Variants in ANXA4 observed in about 807,000 individuals in gnomAD.
ANXA4 encodes the protein annexin A4, also known as 35-beta calcimedin.
ANXA4 carries 39 observed loss-of-function variants against 49.8 expected under a neutral mutation model. The observed-to-expected ratio is 0.78, with a 90% CI of 0.61 to 1.02. The LOEUF (loss-of-function observed/expected upper bound fraction) is 1.02, where lower values mean the gene tolerates loss of function less well. Among genes scored for constraint, ANXA4 ranks in the 50% least tolerant of loss-of-function variants. The pLI is 0.00. For synonymous variants in ANXA4, 134 were observed against 152.5 expected, an observed-to-expected ratio of 0.88 and a Z score of 0.89; for missense variants, 360 against 410.1, an observed-to-expected ratio of 0.88 and a Z score of 1.05.
At chr2:69,815,905 G>T (rs949070272) in intron 8 of ANXA4, 196 bp from the exon 9 acceptor site, 2 of 560,366 alleles carry the variant, frequency 3.6e-6, no homozygotes, top group Non-Finnish European at 6.5e-6. Flanking sequence ...GACTCCCAGG[G>T]GGGTATGACA....
chr2:69,820,788 A>G lies in ANXA4; in HGVS notation c.873A>G (p.Arg291=), dbSNP rs1674214632. 1.2e-6 allele frequency: 2 copies of G among 1,613,812 alleles called. No individual in the cohort carries two copies. Among genetic ancestry groups the G allele is most frequent in the East Asian group, 4.5e-5 (2 of 44,850 alleles). The part of the protein sequence containing the change: ...DMLDIRAHFK[R]LYGKSLYSFI... ...TGGATATCCGGGCACACTTCAAGAG[A>G]CTCTATGGAAAGTCTCTGTACTCGT... The change falls in exon 12 of 13, where the codon AGA becomes AGG. Residue 291 remains arginine, a synonymous_variant. Transcript: ENST00000394295.
At chr2:69,817,657 G>A (rs1674059242) in intron 9 of ANXA4, 1 of 152,146 alleles carries the variant, frequency 6.6e-6, no homozygotes. Context: ...CAGTTCTGGG[G>A]GTCTCAGTAG....
intron 2 of ANXA4, among the ~76,000 whole-genome samples, chr2:69,655,397 CATTT>C (rs1368271526): frequency 1.3e-5 from 2 of 152,138 alleles, no homozygotes; most frequent in Non-Finnish European, 2.9e-5. Flanking sequence ...CAAAAGAAGA[CATTT>C]ATGTAGCCAA....
intron 1 of ANXA4, among the ~76,000 whole-genome samples, chr2:69,775,006 ACACTGT>A (rs1164103598): frequency 6.6e-6 from 1 of 152,208 alleles, no homozygotes; most frequent in Non-Finnish European, 1.5e-5. Flanking sequence ...GAAACCTAAG[ACACTGT>A]CACTCACTTA....
intron 1 of ANXA4, among the ~76,000 whole-genome samples, chr2:69,770,939 A>G (rs1033037056): frequency 6.6e-6 from 1 of 151,076 alleles, no homozygotes; most frequent in Non-Finnish European, 1.5e-5. Context: ...TTAAAAAAAA[A>G]AAAAATTAGC....
intron 3 of ANXA4, among the ~76,000 whole-genome samples, chr2:69,726,117 G>C (rs1029908829): frequency 6.6e-6 from 1 of 152,182 alleles, no homozygotes; most frequent in South Asian, 2.1e-4. Flanking sequence ...GGTGTCGAGG[G>C]AGGGACCTCG....
chr2:69,719,316 G>C (rs1669755450), intron 2 of ANXA4, among the ~76,000 whole-genome samples: 1 of 141,500 alleles, frequency 7.1e-6, no homozygotes, highest in Non-Finnish European at 1.5e-5. Flanking sequence ...CACCCAGGCT[G>C]GAGTATGATA....
chr2:69,766,772 CAT>C (rs1345175975), intron 1 of ANXA4, among the ~76,000 whole-genome samples: 2 of 152,158 alleles, frequency 1.3e-5, no homozygotes, highest in African/African-American at 4.8e-5. Context: ...CAGAACCTAA[CAT>C]GTTATTACCA....
chr2:69,662,022 AAC>A (rs1483454035), intron 2 of ANXA4, among the ~76,000 whole-genome samples: 1 of 152,202 alleles, frequency 6.6e-6, no homozygotes, highest in Non-Finnish European at 1.5e-5. Flanking sequence ...GGTTACATAA[AAC>A]AGTGACCATT....
At position 69,818,584 on chromosome 2, in the gene ANXA4, T is replaced by G. The variant is rs754060345; in HGVS notation, c.629-15T>G. On this transcript the variant is annotated splice_polypyrimidine_tract_variant and intron_variant, in intron 9 of 12. Coordinates refer to ENST00000394295, the MANE Select transcript of ANXA4 (RefSeq NM_001153.5). Reference sequence around the variant, plus strand: ...TTTTTTCTTCCCAATAATACTATTTTGTTATTGTCTGCAGTGTTTGATGAA... The same window carrying G: ...TTTTTTCTTCCCAATAATACTATTTGGTTATTGTCTGCAGTGTTTGATGAA... The G allele has an allele frequency of 6.5e-7, 1 of 1,533,850 alleles. No individual in the cohort carries two copies. Among genetic ancestry groups the G allele is most frequent in the Non-Finnish European group, 8.9e-7 (1 of 1,129,356 alleles).
intron 2 of ANXA4, among the ~76,000 whole-genome samples, chr2:69,666,909 G>T (rs910806880): frequency 6.6e-6 from 1 of 152,144 alleles, no homozygotes; most frequent in South Asian, 2.1e-4. Context: ...AGCTAAGCGT[G>T]TTGGTGCACA....
chr2:69,728,464 G>A (rs893690726), intron 3 of ANXA4, among the ~76,000 whole-genome samples: 3 of 152,078 alleles, frequency 2.0e-5, no homozygotes, highest in Non-Finnish European at 4.4e-5. Context: ...CCTACCACAA[G>A]GTCATGAAGA....
intron 2 of ANXA4, among the ~76,000 whole-genome samples, chr2:69,663,678 G>T (rs1326492059): frequency 6.6e-6 from 1 of 151,896 alleles, no homozygotes; most frequent in Non-Finnish European, 1.5e-5. Context: ...AATAAAAAAA[G>T]AATACTCTAA....
Position 69,702,041 on chromosome 2 carries a change from T to A in ANXA4, n.767-18733T>A, listed in dbSNP as rs960681065. On this transcript the variant is annotated intron_variant and non_coding_transcript_variant, in intron 2 of 3. Coordinates refer to the ANXA4 transcript ENST00000418066. Reference sequence around the variant, plus strand: ...TTATATATATTTTTGAGACAGGGTATCACTCTGTCACCCAGGCTGGAATGC... The same window carrying A: ...TTATATATATTTTTGAGACAGGGTAACACTCTGTCACCCAGGCTGGAATGC... Among the ~76,000 whole-genome samples, 5 of 152,250 alleles carry A rather than the reference T, an allele frequency of 3.3e-5. 1 individual carries two copies.
intron 2 of ANXA4, among the ~76,000 whole-genome samples, chr2:69,713,392 A>C (rs1277933975): frequency 6.6e-6 from 1 of 152,106 alleles, no homozygotes; most frequent in Non-Finnish European, 1.5e-5. Context: ...AGCCACTCTT[A>C]TGTTCGGTGG....
intron 1 of ANXA4, among the ~76,000 whole-genome samples, chr2:69,763,703 C>T (rs1462424363): frequency 2.0e-5 from 3 of 148,158 alleles, no homozygotes; most frequent in African/African-American, 7.5e-5. Flanking sequence ...CGCTCTGTTG[C>T]CCAGGCTGGA....
intron 2 of ANXA4, among the ~76,000 whole-genome samples, chr2:69,782,318 G>T (rs1672231907): frequency 1.3e-5 from 2 of 152,148 alleles, no homozygotes; most frequent in South Asian, 4.2e-4. Flanking sequence ...TAGGAAGATG[G>T]GTGTGTAAAG....
chr2:69,751,189 A>T (rs1670826071), intron 1 of ANXA4, among the ~76,000 whole-genome samples: 1 of 151,742 alleles, frequency 6.6e-6, no homozygotes, highest in African/African-American at 2.4e-5. Context: ...TGTCAGTATG[A>T]CTCTATATCC....
intron 1 of ANXA4, among the ~76,000 whole-genome samples, chr2:69,754,189 G>C (rs1670959673): frequency 6.6e-6 from 1 of 152,196 alleles, no homozygotes; most frequent in South Asian, 2.1e-4. Flanking sequence ...GTTTATGCAA[G>C]TGTTTTAAAA....
Sources: allele counts gnomAD v4.1 joint callset (sites outside exome capture counted in the v4.1 genomes callset), GRCh38; gene constraint gnomAD v4.1.1; transcripts MANE v1.5; gene names NCBI Gene and HGNC (gene_info 2026-07-23, HGNC 2026-07-21).